The following DNAJC8 variants were observed in gnomAD, a reference collection of about 807,000 sequenced individuals.
DNAJC8 encodes DnaJ heat shock protein family (Hsp40) member C8.
Under a neutral mutation model 43.2 loss-of-function variants are expected in DNAJC8, and 24 were observed. The observed-to-expected ratio is 0.56, with a 90% CI of 0.40 to 0.78. The LOEUF (loss-of-function observed/expected upper bound fraction) is 0.78. Among genes scored for constraint, DNAJC8 ranks in the 30% least tolerant of loss-of-function variants. DNAJC8 has a pLI of 0.00. For missense variants in DNAJC8, 207 were observed against 299.4 expected (o/e 0.69, Z 2.28); for synonymous variants, 83 against 98.0 (o/e 0.85, Z 0.90).
chr1:28,225,606 C>T (rs968127549), intron 2 of DNAJC8, among the ~76,000 whole-genome samples: 15 of 149,158 alleles, frequency 1.0e-4, no homozygotes, highest in African/African-American at 2.2e-4. Flanking sequence ...GTTGGGGTGA[C>T]GAAAAATTTC....
chr1:28,208,300 C>T, intron 6 of DNAJC8, 42 bp downstream of exon 6: 3 of 1,507,988 alleles, frequency 2.0e-6, no homozygotes, highest in Non-Finnish European at 2.7e-6. Context: ...TTCGTAGACA[C>T]AATCACACAA....
rs184833272 is a variant in DNAJC8 at position 28,228,304 on chromosome 1, G to C, written c.180+618C>G. ...AAGGAGGTTGCAGTGGGTCAAGATC[G>C]CGCCACTGCACTCCAGCCTGGGGGA... On this transcript the variant is annotated intron_variant, in intron 2 of 8. Coordinates refer to ENST00000263697, the MANE Select transcript of DNAJC8 (RefSeq NM_014280.3). Among the ~76,000 whole-genome samples the C allele has an allele frequency of 9.1e-3, 1,293 of 141,824 alleles. 71 individuals are homozygous for C. Among genetic ancestry groups the C allele is most frequent in the Admixed American group, 0.087 (1,180 of 13,486 alleles). 93.0% of individuals were successfully genotyped at this position (141,824 alleles called of 152,430 possible). A position where few individuals can be genotyped will look rare whatever the true frequency, so the allele number is the denominator to read the frequency against.
intron 2 of DNAJC8, among the ~76,000 whole-genome samples, chr1:28,228,697 A>G (rs1453132208): frequency 2.0e-5 from 3 of 152,232 alleles, no homozygotes; most frequent in Non-Finnish European, 2.9e-5. Flanking sequence ...ATGTATGTAT[A>G]TATTCCAAAA....
chr1:28,212,155 C>CAATAAATAAATAAATA (rs1553167901), intron 3 of DNAJC8, among the ~76,000 whole-genome samples: 9 of 34,124 alleles, frequency 2.6e-4, no homozygotes, highest in Non-Finnish European at 5.2e-4. Flanking sequence ...GACTCCGTCT[C>CAATAAATAAATAAATA]AATAAATAAA....
chr1:28,210,177 T>C, intron 4 of DNAJC8, 111 bp from the exon 5 acceptor site: 2 of 874,418 alleles, frequency 2.3e-6, no homozygotes, highest in East Asian at 2.6e-5. Flanking sequence ...CCTACTTTAA[T>C]TATTTACTGT....
rs78210346 is a variant in DNAJC8, at chr1:28,202,256, T to C, written c.640-886A>G. On this transcript the variant is annotated intron_variant, in intron 8 of 8. Transcript: ENST00000263697. ...TTGTTGGGGACCTCGAGGCTAGACG[T>C]TTAACATGGTTTTTTTTGTTGTCAT... Among the ~76,000 whole-genome samples the C allele has an allele frequency of 7.6e-3, 1,159 of 152,222 alleles. 17 individuals are homozygous for C. The highest frequency in any genetic ancestry group is 0.027 in the African/African-American group (1,106 of 41,530).
At chr1:28,223,720 A>AAG (rs1381488308) in intron 2 of DNAJC8, among the ~76,000 whole-genome samples, 2 of 151,504 alleles carry the variant, frequency 1.3e-5, no homozygotes, top group African/African-American at 2.4e-5. Context: ...TTACAAAAAA[A>AAG]AAAAAAAGAA....
intron 2 of DNAJC8, among the ~76,000 whole-genome samples, chr1:28,220,384 G>C (rs1340562988): frequency 6.6e-6 from 1 of 152,196 alleles, no homozygotes; most frequent in African/African-American, 2.4e-5. Context: ...AAGATAGCTA[G>C]ATACTGTGCT....
chr1:28,208,314 A>G, intron 6 of DNAJC8, 28 bp downstream of exon 6: 1 of 1,582,640 alleles, frequency 6.3e-7, no homozygotes, highest in South Asian at 1.1e-5. Context: ...CACACAAGAT[A>G]CAGTGGCTTT....
chr1:28,232,562 A>C (rs1335093979), intron 1 of DNAJC8, among the ~76,000 whole-genome samples: 1 of 152,166 alleles, frequency 6.6e-6, no homozygotes, highest in Non-Finnish European at 1.5e-5. Context: ...ACTCATTACA[A>C]AGGACTAAGA....
chr1:28,212,908 G>C (rs1646825053), intron 3 of DNAJC8, among the ~76,000 whole-genome samples: 1 of 152,088 alleles, frequency 6.6e-6, no homozygotes, highest in Admixed American at 6.6e-5. Context: ...TATCTAATTG[G>C]GCTGATATAA....
chr1:28,208,905 C>A (rs1009989203), intron 5 of DNAJC8: 2 of 152,218 alleles, frequency 1.3e-5, no homozygotes, highest in African/African-American at 4.8e-5. Flanking sequence ...TTAACTGATA[C>A]TTTTATCACA....
intron 2 of DNAJC8, among the ~76,000 whole-genome samples, chr1:28,215,454 A>G (rs1211535929): frequency 6.6e-6 from 1 of 152,168 alleles, no homozygotes; most frequent in Admixed American, 6.6e-5. Context: ...ACCTGTGGAA[A>G]CCTGTGAGCA....
Position 28,227,206 on chromosome 1 carries a change from C to T in DNAJC8, c.180+1716G>A, listed in dbSNP as rs182589964. Among the ~76,000 whole-genome samples, 169 of 134,988 alleles carry T rather than the reference C, an allele frequency of 1.3e-3. 2 individuals carry two copies. Among genetic ancestry groups the T allele is most frequent in the Non-Finnish European group, 3.6e-4 (23 of 64,688 alleles). 88.6% of individuals were successfully genotyped at this position (134,988 alleles called of 152,430 possible). On this transcript the variant is annotated intron_variant, in intron 2 of 8. Transcript: ENST00000263697. ...GGTGGATCGCCTGAGCTCAGGAGTT[C>T]GAGACCAACCTGAACAATATGGCAA... is the stretch of plus-strand genomic sequence containing the variant.
At chr1:28,215,805 G>A (rs1646849216) in intron 2 of DNAJC8, among the ~76,000 whole-genome samples, 1 of 152,030 alleles carries the variant, frequency 6.6e-6, no homozygotes, top group South Asian at 2.1e-4. Flanking sequence ...CCAAAGTGCT[G>A]GGATTACAGG....
chr1:28,219,019 T>C lies in DNAJC8; in HGVS notation c.181-4023A>G, dbSNP rs147845472. Among the ~76,000 whole-genome samples the C allele has an allele frequency of 6.0e-3, 906 of 151,460 alleles. 17 individuals carry two copies. The highest frequency in any genetic ancestry group is 0.034 in the Admixed American group (523 of 15,208). ...CCAAATAAATGAGAAAGAACAGAAA[T>C]TGTCCCACCCTCACAAAAAAAGCCT... On this transcript the variant is annotated intron_variant, in intron 2 of 8. Coordinates refer to ENST00000263697, the MANE Select transcript of DNAJC8 (RefSeq NM_014280.3).
intron 2 of DNAJC8, among the ~76,000 whole-genome samples, chr1:28,216,808 CTT>C (rs1178044559): frequency 1.2e-4 from 16 of 131,038 alleles, no homozygotes; most frequent in Non-Finnish European, 9.9e-5. Flanking sequence ...GGGGCGATTT[CTT>C]TTTTTTTTTT....
chr1:28,224,915 C>T (rs1646923655), intron 2 of DNAJC8, among the ~76,000 whole-genome samples: 1 of 146,338 alleles, frequency 6.8e-6, no homozygotes, highest in African/African-American at 2.5e-5. Flanking sequence ...GAGCCAAACA[C>T]AGTGGCTCAC....
At chr1:28,205,854 C>T (rs1646764767) in intron 6 of DNAJC8, among the ~76,000 whole-genome samples, 1 of 152,108 alleles carries the variant, frequency 6.6e-6, no homozygotes, top group Admixed American at 6.6e-5. Context: ...TGCCATTGCA[C>T]CCCAGCCTGG....
Sources: allele counts gnomAD v4.1 joint callset (sites outside exome capture counted in the v4.1 genomes callset), GRCh38; gene constraint gnomAD v4.1.1; transcripts MANE v1.5; gene names NCBI Gene and HGNC (gene_info 2026-07-23, HGNC 2026-07-21).